The following RYR3 variants were observed in gnomAD, a reference collection of about 807,000 sequenced individuals.
The protein encoded by RYR3 is brain ryanodine receptor-calcium release channel.
A neutral mutation model predicts 584.3 loss-of-function variants in RYR3; 207 were observed. The observed-to-expected ratio is 0.35, with a 90% CI of 0.32 to 0.40. The LOEUF (loss-of-function observed/expected upper bound fraction) is 0.40, where lower values mean the gene tolerates loss of function less well. RYR3 is among the 10% of genes least tolerant of loss of function. The pLI, the probability that RYR3 is intolerant of heterozygous loss-of-function variation, is 1.00. For synonymous variants in RYR3, 2,416 were observed against 2,248.5 expected (o/e 1.07, Z -2.11); for missense variants, 5,616 against 6,089.2 (o/e 0.92, Z 2.59).
chr15:33,809,959 A>G (rs1057149308), intron 70 of RYR3, among the ~76,000 whole-genome samples: 11 of 152,134 alleles, frequency 7.2e-5, no homozygotes, highest in Non-Finnish European at 1.5e-4. Flanking sequence ...CTGGATTCCA[A>G]AGCAGCCCTG....
At chr15:33,464,503 TACATACACATACAC>T (rs2048329027) in intron 1 of RYR3, among the ~76,000 whole-genome samples, 2 of 105,922 alleles carry the variant, frequency 1.9e-5, no homozygotes, top group African/African-American at 6.7e-5. Flanking sequence ...CATATATATA[TACATACACATACAC>T]ATATATGTAC....
Position 33,648,968 on chromosome 15 carries a change from G to T in RYR3, c.3979-104G>T, listed in dbSNP as rs541001867. Reference sequence around the variant, plus strand: ...GTGTGCACTTTTCCAGAAAAAAAAGGGGGGGCCAAGTGAGCTGCTGTGTTA... The same window carrying T: ...GTGTGCACTTTTCCAGAAAAAAAAGTGGGGGCCAAGTGAGCTGCTGTGTTA... On this transcript the variant is annotated intron_variant, in intron 30 of 103. Coordinates refer to ENST00000634891, the MANE Select transcript of RYR3 (RefSeq NM_001036.6). 6.0e-4 allele frequency: 681 copies of T among 1,130,698 alleles called. 5 individuals are homozygous for T. In the African/African-American group the frequency reaches 9.7e-3, roughly 16 times the overall value. The allele number at this position is 1,130,698 out of a possible 1,614,324, so 70.0% of individuals were successfully genotyped here.
rs145700450 is a variant in RYR3 at position 33,835,584 on chromosome 15, G to A, written c.11568+512G>A. 2.8e-3 allele frequency among the ~76,000 whole-genome samples: 429 copies of A among 152,298 alleles called. 1 individual carries two copies. Among genetic ancestry groups the A allele is most frequent in the African/African-American group, 9.5e-3 (396 of 41,558 alleles). ...TTATGAACAAATAAATGTAGCATAT[G>A]TAGCAGTTTATTGCCTCTCTCCATG... On this transcript the variant is annotated intron_variant, in intron 87 of 103. Coordinates refer to ENST00000634891, the MANE Select transcript of RYR3 (RefSeq NM_001036.6).
intron 47 of RYR3, 65 bp from the exon 48 acceptor site, chr15:33,731,407 CTG>C: frequency 1.7e-6 from 2 of 1,175,802 alleles, no homozygotes; most frequent in Non-Finnish European, 2.5e-6. Flanking sequence ...CATGGGAACT[CTG>C]TGCAGAGCCA....
chr15:33,725,933 G>GCAC (rs1432594848), intron 45 of RYR3, among the ~76,000 whole-genome samples: 1 of 127,662 alleles, frequency 7.8e-6, no homozygotes, highest in East Asian at 2.5e-4. Flanking sequence ...TCACGCCACT[G>GCAC]CACTCCAGCC....
intron 18 of RYR3, among the ~76,000 whole-genome samples, chr15:33,610,183 C>G (rs919264494): frequency 1.4e-4 from 21 of 152,120 alleles, no homozygotes; most frequent in African/African-American, 4.8e-4. Flanking sequence ...TTCATTAACC[C>G]TCAGCTTCCA....
At position 33,722,864 on chromosome 15, in the gene RYR3, G is replaced by A. The variant is rs750171875; in HGVS notation, c.6769G>A (p.Asp2257Asn). Reference protein sequence around the residue: ...AIKISENPALDLPSQGYKREV... With the variant: ...AIKISENPALNLPSQGYKREV... The stretch of plus-strand genomic sequence containing the variant: ...TAAGATCTCTGAGAACCCAGCGCTC[G>A]ACCTCCCCTCTCAAGGATACAAAAG... The change falls in exon 44 of 104, where the codon GAC (aspartate) becomes AAC (asparagine). Residue 2257 changes from aspartate (D) to asparagine (N), a missense_variant. Coordinates refer to ENST00000634891, the MANE Select transcript of RYR3 (RefSeq NM_001036.6). 2.9e-5 allele frequency: 46 copies of A among 1,594,774 alleles called. No individual in the cohort carries two copies. Among genetic ancestry groups the A allele is most frequent in the African/African-American group, 4.1e-5 (3 of 73,524 alleles).
At chr15:33,445,155 G>A (rs2046526291) in intron 1 of RYR3, among the ~76,000 whole-genome samples, 1 of 152,210 alleles carries the variant, frequency 6.6e-6, no homozygotes, top group African/African-American at 2.4e-5. Context: ...AAGCAGGAAG[G>A]TGAGTTGATA....
rs143405673 is a variant in RYR3, at chr15:33,834,050, G to A, written c.11464-918G>A. 7.7e-3 allele frequency among the ~76,000 whole-genome samples: 1,177 copies of A among 152,254 alleles called. 8 individuals are homozygous for A. Among genetic ancestry groups the A allele is most frequent in the African/African-American group, 0.027 (1,113 of 41,532 alleles). The stretch of plus-strand genomic sequence containing the variant: ...TACTCCCAGCACTTTGAGAGGCTAA[G>A]GCGGGTGGATCACTTGAGGCCAGGA... On this transcript the variant is annotated intron_variant, in intron 86 of 103. Transcript: ENST00000634891.
rs186294475 is a variant in RYR3 at position 33,811,644 on chromosome 15, G to A, written c.10257+607G>A. On this transcript the variant is annotated intron_variant, in intron 72 of 103. Coordinates refer to ENST00000634891, the MANE Select transcript of RYR3 (RefSeq NM_001036.6). The stretch of plus-strand genomic sequence containing the variant: ...GATTACAAAGAGGATACCCAATAAA[G>A]CATCTATTCCCATTTCCCATTATGT... Among the ~76,000 whole-genome samples, 34 of 80,136 alleles carry A rather than the reference G, an allele frequency of 4.2e-4. 1 individual carries two copies. Among genetic ancestry groups the A allele is most frequent in the Admixed American group, 4.2e-3 (31 of 7,340 alleles). 52.6% of individuals were successfully genotyped at this position (80,136 alleles called of 152,430 possible).
At chr15:33,328,976 T>C (rs1970068548) in intron 1 of RYR3, among the ~76,000 whole-genome samples, 1 of 152,198 alleles carries the variant, frequency 6.6e-6, no homozygotes. Flanking sequence ...TAAGTACAAG[T>C]AAAGTTTAGC....
intron 1 of RYR3, among the ~76,000 whole-genome samples, chr15:33,409,265 T>A (rs967571700): frequency 1.3e-5 from 2 of 151,846 alleles, no homozygotes; most frequent in Non-Finnish European, 2.9e-5. Context: ...ACATGTGCCA[T>A]GTTGGTGTGC....
At chr15:33,700,554 A>G (rs1285367219) in intron 41 of RYR3, among the ~76,000 whole-genome samples, 1 of 152,200 alleles carries the variant, frequency 6.6e-6, no homozygotes, top group Admixed American at 6.5e-5. Flanking sequence ...CAAACAAGTC[A>G]AAAACAACAT....
intron 102 of RYR3, among the ~76,000 whole-genome samples, chr15:33,863,304 C>T (rs914247587): frequency 6.6e-6 from 1 of 152,206 alleles, no homozygotes; most frequent in Admixed American, 6.5e-5. Flanking sequence ...CTGTCTTTCT[C>T]AGTAAATGAG....
intron 1 of RYR3, among the ~76,000 whole-genome samples, chr15:33,372,621 TC>T (rs2040424355): frequency 1.3e-5 from 2 of 152,118 alleles, no homozygotes; most frequent in Admixed American, 1.3e-4. Flanking sequence ...TGCCTCGGCC[TC>T]CCAAAGTGCT....
chr15:33,493,252 G>A (rs1036209345), intron 2 of RYR3, among the ~76,000 whole-genome samples: 1 of 151,906 alleles, frequency 6.6e-6, no homozygotes, highest in African/African-American at 2.4e-5. Flanking sequence ...CTAACTTATC[G>A]ATGGGACACT....
intron 58 of RYR3, 75 bp from the exon 59 acceptor site, chr15:33,756,231 C>A (rs1012959525): frequency 2.4e-5 from 23 of 972,656 alleles, no homozygotes; most frequent in Non-Finnish European, 3.6e-5. Context: ...AGAAAAGCTG[C>A]TCTGTTTCTA....
At chr15:33,544,429 T>C (rs744776) in intron 8 of RYR3, among the ~76,000 whole-genome samples, 24,981 of 152,110 alleles carry the variant, frequency 0.16, 5,080 homozygotes, top group African/African-American at 0.48. Flanking sequence ...TTTCTTTTCC[T>C]TTTGTGTAAT....
At chr15:33,498,322 C>T (rs562502387) in intron 2 of RYR3, among the ~76,000 whole-genome samples, 1 of 152,254 alleles carries the variant, frequency 6.6e-6, no homozygotes, top group Admixed American at 6.5e-5. Flanking sequence ...TAAGAGTTTT[C>T]TCTTCTATGC....
Sources: allele counts gnomAD v4.1 joint callset (sites outside exome capture counted in the v4.1 genomes callset), GRCh38; gene constraint gnomAD v4.1.1; transcripts MANE v1.5; gene names NCBI Gene and HGNC (gene_info 2026-07-23, HGNC 2026-07-21).